Variants in ROBO1 observed in about 807,000 individuals in gnomAD.
ROBO1 encodes the protein roundabout homolog 1.
In ROBO1, 149 loss-of-function variants were observed where a neutral mutation model predicts 195.9. That is an observed-to-expected ratio of 0.76 (90% CI 0.67 to 0.87). The LOEUF is 0.87. Among genes scored for constraint, ROBO1 ranks in the 40% least tolerant of loss-of-function variants. ROBO1 has a pLI of 0.00. For missense variants in ROBO1, 1,933 were observed against 2,068.3 expected (o/e 0.93, Z 1.27); for synonymous variants, 816 against 733.2 (o/e 1.11, Z -1.82).
chr3:79,240,208 A>G (rs193203961), intron 2 of ROBO1, among the ~76,000 whole-genome samples: 2 of 152,172 alleles, frequency 1.3e-5, no homozygotes, highest in Non-Finnish European at 2.9e-5. Flanking sequence ...ATTCCACATA[A>G]AAGTAAAATC....
At chr3:78,686,389 T>C (rs2081052565) in intron 9 of ROBO1, among the ~76,000 whole-genome samples, 1 of 151,906 alleles carries the variant, frequency 6.6e-6, no homozygotes, top group South Asian at 2.1e-4. Context: ...ACCCTGTCTC[T>C]ACTAAAAATA....
At chr3:78,882,633 A>G (rs2036251473) in intron 4 of ROBO1, among the ~76,000 whole-genome samples, 1 of 152,020 alleles carries the variant, frequency 6.6e-6, no homozygotes, top group African/African-American at 2.4e-5. Context: ...CTGCTACTCA[A>G]TGTCAGTATA....
chr3:78,898,197 T>G (rs2037355579), intron 4 of ROBO1, among the ~76,000 whole-genome samples: 1 of 149,590 alleles, frequency 6.7e-6, no homozygotes, highest in Non-Finnish European at 1.5e-5. Context: ...ATAATTAGCT[T>G]TAAATAAATT....
chr3:78,663,021 T>C (rs1439224716), intron 14 of ROBO1, among the ~76,000 whole-genome samples: 1 of 152,148 alleles, frequency 6.6e-6, no homozygotes, highest in Non-Finnish European at 1.5e-5. Context: ...AAATGTTTTT[T>C]GGACTTCAGA....
intron 3 of ROBO1, among the ~76,000 whole-genome samples, chr3:79,013,054 T>C (rs1409166722): frequency 6.6e-6 from 1 of 152,006 alleles, no homozygotes; most frequent in Admixed American, 6.6e-5. Context: ...AACCCTTCCA[T>C]GATCAGTAAC....
At chr3:79,570,547 AG>A (rs1414348181) in intron 2 of ROBO1, among the ~76,000 whole-genome samples, 1 of 152,170 alleles carries the variant, frequency 6.6e-6, no homozygotes, top group Non-Finnish European at 1.5e-5. Flanking sequence ...AAACAAAATA[AG>A]AAAAATTTCA....
At chr3:79,495,000 CATAG>C (rs1346508724) in intron 2 of ROBO1, among the ~76,000 whole-genome samples, 1 of 149,926 alleles carries the variant, frequency 6.7e-6, no homozygotes, top group Non-Finnish European at 1.5e-5. Flanking sequence ...CACCATCTGA[CATAG>C]ATAGATTGAC....
intron 1 of ROBO1, among the ~76,000 whole-genome samples, chr3:79,596,434 A>G (rs1021189541): frequency 6.6e-6 from 1 of 151,996 alleles, no homozygotes; most frequent in Admixed American, 6.6e-5. Flanking sequence ...TTGAAGTTGC[A>G]CAAGTCCAGT....
At chr3:79,731,785 T>A (rs1231995602) in intron 1 of ROBO1, among the ~76,000 whole-genome samples, 4 of 152,176 alleles carry the variant, frequency 2.6e-5, no homozygotes, top group African/African-American at 9.6e-5. Context: ...TTTCAAAATG[T>A]GTTTTGTAAT....
intron 2 of ROBO1, among the ~76,000 whole-genome samples, chr3:79,467,261 T>G (rs1938012449): frequency 6.6e-6 from 1 of 151,918 alleles, no homozygotes; most frequent in South Asian, 2.1e-4. Flanking sequence ...TTGGTTTACT[T>G]TGGCACCAGT....
intron 27 of ROBO1, among the ~76,000 whole-genome samples, chr3:78,616,752 A>T (rs921989277): frequency 2.0e-5 from 3 of 152,286 alleles, no homozygotes; most frequent in Admixed American, 2.0e-4. Context: ...CAAAAATATA[A>T]ACACACAAAA....
chr3:78,611,087 A>G lies in ROBO1; in HGVS notation c.4435+3561T>C, dbSNP rs550437216. 2.6e-5 allele frequency among the ~76,000 whole-genome samples: 4 copies of G among 152,264 alleles called. No homozygotes were observed. The East Asian group carries it at 7.8e-4, about 30-fold the overall frequency. On this transcript the variant is annotated intron_variant, in intron 28 of 30. Transcript: ENST00000464233. ...TCTTATAAACACTCATTCTTTCTAC[A>G]AGACTTTCCAAATAACAGTATAATG...
intron 2 of ROBO1, among the ~76,000 whole-genome samples, chr3:79,447,666 G>A (rs1014655760): frequency 2.6e-5 from 4 of 151,930 alleles, no homozygotes; most frequent in Admixed American, 1.3e-4. Flanking sequence ...CAGTACTTGA[G>A]GATTATAAAA....
chr3:79,255,586 C>T (rs1338186765), intron 2 of ROBO1, among the ~76,000 whole-genome samples: 3 of 152,100 alleles, frequency 2.0e-5, no homozygotes, highest in Non-Finnish European at 2.9e-5. Flanking sequence ...AATTATTCTG[C>T]ATTTTAATCA....
At chr3:78,647,980 T>C (rs548803785) in intron 19 of ROBO1, among the ~76,000 whole-genome samples, 1 of 152,184 alleles carries the variant, frequency 6.6e-6, no homozygotes, top group South Asian at 2.1e-4. Context: ...CCACTATTAA[T>C]CATCTCCAAA....
At chr3:78,958,717 C>T (rs2041171023) in intron 3 of ROBO1, among the ~76,000 whole-genome samples, 1 of 151,360 alleles carries the variant, frequency 6.6e-6, no homozygotes, top group Non-Finnish European at 1.5e-5. Flanking sequence ...CCCAGTTTAA[C>T]CAGGACCGTC....
intron 3 of ROBO1, among the ~76,000 whole-genome samples, chr3:79,004,324 C>G (rs1026382747): frequency 1.3e-5 from 2 of 152,104 alleles, no homozygotes; most frequent in Non-Finnish European, 2.9e-5. Context: ...ACATATTCAT[C>G]CCTTCTATAA....
rs1486517991 is a variant in ROBO1, at chr3:79,509,534, TA to T, written c.88+80289del. Among the ~76,000 whole-genome samples, 10 of 152,204 alleles carry T rather than the reference TA, an allele frequency of 6.6e-5. No individual in the cohort carries two copies. In the South Asian group the frequency reaches 1.7e-3, roughly 25 times the overall value. On this transcript the variant is annotated intron_variant, in intron 2 of 30. Coordinates refer to ENST00000464233, the MANE Select transcript of ROBO1 (RefSeq NM_002941.4). Reference sequence around the variant, plus strand: ...AGGAACAGTCTTGAATTTATCATTTTAAAAATATTTCCGCCTTAATACATGT... The same window carrying T: ...AGGAACAGTCTTGAATTTATCATTTTAAAATATTTCCGCCTTAATACATGT...
At chr3:79,154,735 C>A (rs2080829676) in intron 2 of ROBO1, among the ~76,000 whole-genome samples, 1 of 151,682 alleles carries the variant, frequency 6.6e-6, no homozygotes, top group African/African-American at 2.4e-5. Flanking sequence ...TTTAAAATAA[C>A]ATACTACTTA....
Sources: gnomAD v4.1 joint callset for allele counts (sites outside exome capture counted in the v4.1 genomes callset) on GRCh38, gnomAD v4.1.1 for gene constraint, MANE v1.5 for transcripts, NCBI Gene and HGNC (gene_info 2026-07-23, HGNC 2026-07-21) for gene names.